NCAM2: variants seen among roughly 807,000 people sequenced by gnomAD.
NCAM2 encodes the protein N-CAM-2.
NCAM2 carries 30 observed loss-of-function variants against 98.1 expected under a neutral mutation model. That is an observed-to-expected ratio of 0.31 (90% CI 0.23 to 0.41). The LOEUF (loss-of-function observed/expected upper bound fraction) is 0.41. NCAM2 is among the 10% of genes least tolerant of loss of function. The pLI is 1.00. For synonymous variants in NCAM2, 368 were observed against 342.4 expected, an observed-to-expected ratio of 1.07 and a Z score of -0.83; for missense variants, 867 against 1,005.8, an observed-to-expected ratio of 0.86 and a Z score of 1.87.
At chr21:21,457,739 G>A (rs1002195118) in intron 12 of NCAM2, among the ~76,000 whole-genome samples, 1 of 151,948 alleles carries the variant, frequency 6.6e-6, no homozygotes, top group Admixed American at 6.6e-5. Flanking sequence ...TCAGATATTC[G>A]CCTGGAAATT....
At chr21:21,015,387 C>G (rs1207987405) in intron 1 of NCAM2, among the ~76,000 whole-genome samples, 2 of 152,138 alleles carry the variant, frequency 1.3e-5, no homozygotes, top group South Asian at 2.1e-4. Context: ...TTGAGCAAAC[C>G]CCTACCCTGA....
intron 1 of NCAM2, among the ~76,000 whole-genome samples, chr21:21,038,899 C>A (rs2064849347): frequency 6.6e-6 from 1 of 152,164 alleles, no homozygotes; most frequent in Non-Finnish European, 1.5e-5. Context: ...CTTTCTTCTA[C>A]AGGAAGACCT....
chr21:21,166,927 C>T (rs1038937552), intron 1 of NCAM2, among the ~76,000 whole-genome samples: 4 of 152,162 alleles, frequency 2.6e-5, no homozygotes, highest in Non-Finnish European at 5.9e-5. Context: ...TCAGACTAAA[C>T]GCCATTTCAT....
At chr21:21,078,289 A>T (rs2065722028) in intron 1 of NCAM2, among the ~76,000 whole-genome samples, 1 of 152,234 alleles carries the variant, frequency 6.6e-6, no homozygotes. Context: ...ATTGTTAAAA[A>T]GATAAATTAG....
At chr21:21,103,904 G>A (rs955347024) in intron 1 of NCAM2, among the ~76,000 whole-genome samples, 11 of 152,036 alleles carry the variant, frequency 7.2e-5, no homozygotes, top group Non-Finnish European at 1.5e-4. Flanking sequence ...AATGAAACAT[G>A]TTAGTACCAT....
chr21:21,530,472 A>G (rs537695053), intron 16 of NCAM2, among the ~76,000 whole-genome samples: 5 of 150,708 alleles, frequency 3.3e-5, no homozygotes, highest in Admixed American at 2.7e-4. Context: ...TGCCTCATAC[A>G]TAAGCATTAA....
chr21:21,326,946 G>T (rs546908908), intron 6 of NCAM2, among the ~76,000 whole-genome samples: 1 of 152,168 alleles, frequency 6.6e-6, no homozygotes, highest in East Asian at 1.9e-4. Context: ...GTAGCATCCC[G>T]AGAGAAATGT....
chr21:21,013,767 G>C (rs1199729244), intron 1 of NCAM2, among the ~76,000 whole-genome samples: 1 of 145,556 alleles, frequency 6.9e-6, no homozygotes, highest in Non-Finnish European at 1.5e-5. Context: ...GGCAAAAAGA[G>C]TGAAACTGCA....
chr21:21,106,631 G>A (rs2066355343), intron 1 of NCAM2, among the ~76,000 whole-genome samples: 1 of 150,978 alleles, frequency 6.6e-6, no homozygotes, highest in Non-Finnish European at 1.5e-5. Context: ...TAGGTCTTTA[G>A]AAAACATTAT....
At position 21,406,679 on chromosome 21, in the gene NCAM2, G is replaced by T. The variant is rs768897024; in HGVS notation, c.1196-3595G>T. Reference sequence around the variant, plus strand: ...ATTTATCTTAACTTTTTTCTACTCTGCTCAGATAAAAATTAATTCTTCCAA... The same window carrying T: ...ATTTATCTTAACTTTTTTCTACTCTTCTCAGATAAAAATTAATTCTTCCAA... On this transcript the variant is annotated intron_variant, in intron 9 of 17. Transcript: ENST00000400546. Among the ~76,000 whole-genome samples, 3 of 152,008 alleles carry T rather than the reference G, an allele frequency of 2.0e-5. No homozygotes were observed. In the East Asian group the frequency reaches 5.8e-4, roughly 29 times the overall value.
chr21:21,298,061 G>A (rs1354960668), intron 5 of NCAM2, among the ~76,000 whole-genome samples: 2 of 151,648 alleles, frequency 1.3e-5, no homozygotes, highest in Admixed American at 1.3e-4. Context: ...AATGTATAGT[G>A]CACTTTGTTA....
chr21:21,020,390 T>C (rs542232493), intron 1 of NCAM2, among the ~76,000 whole-genome samples: 1 of 152,320 alleles, frequency 6.6e-6, no homozygotes, highest in East Asian at 1.9e-4. Context: ...GGACTTTCCC[T>C]TTCTTCCCTG....
At chr21:21,178,635 C>G (rs2068371961) in intron 1 of NCAM2, among the ~76,000 whole-genome samples, 1 of 151,956 alleles carries the variant, frequency 6.6e-6, no homozygotes, top group African/African-American at 2.4e-5. Context: ...AGTCCAAGAT[C>G]TCCATATCTG....
chr21:21,493,463 C>T (rs1986991064), intron 15 of NCAM2, among the ~76,000 whole-genome samples: 1 of 151,872 alleles, frequency 6.6e-6, no homozygotes, highest in Non-Finnish European at 1.5e-5. Flanking sequence ...ATACCATCTA[C>T]CCCAGTCAGG....
At chr21:21,108,475 A>G (rs1352609685) in intron 1 of NCAM2, among the ~76,000 whole-genome samples, 3 of 152,156 alleles carry the variant, frequency 2.0e-5, no homozygotes, top group Non-Finnish European at 4.4e-5. Flanking sequence ...TGCTAATTGA[A>G]AAGCTCTGGC....
At chr21:21,121,365 G>C (rs1437140056) in intron 1 of NCAM2, among the ~76,000 whole-genome samples, 1 of 152,094 alleles carries the variant, frequency 6.6e-6, no homozygotes, top group Non-Finnish European at 1.5e-5. Context: ...TACATTAACT[G>C]ATGTCAAGGA....
intron 1 of NCAM2, among the ~76,000 whole-genome samples, chr21:21,161,072 T>A (rs1038361775): frequency 6.6e-6 from 1 of 152,014 alleles, no homozygotes; most frequent in Non-Finnish European, 1.5e-5. Context: ...CCTGTTGCTA[T>A]CTAGCACACC....
chr21:21,522,215 A>G (rs1989059432), intron 16 of NCAM2, among the ~76,000 whole-genome samples: 1 of 148,074 alleles, frequency 6.8e-6, no homozygotes, highest in Admixed American at 6.8e-5. Context: ...ATGATTATAT[A>G]TGAATGACTA....
At chr21:21,392,999 C>A (rs2076413926) in intron 9 of NCAM2, among the ~76,000 whole-genome samples, 1 of 151,966 alleles carries the variant, frequency 6.6e-6, no homozygotes, top group Admixed American at 6.6e-5. Flanking sequence ...CTTTTGGCAT[C>A]TTCATCATGA....
Sources: allele counts gnomAD v4.1 joint callset (sites outside exome capture counted in the v4.1 genomes callset), GRCh38; gene constraint gnomAD v4.1.1; transcripts MANE v1.5; gene names NCBI Gene and HGNC (gene_info 2026-07-23, HGNC 2026-07-21).